Variants in CERS3 observed in about 807,000 individuals in gnomAD.
The protein encoded by CERS3 is LAG1 homolog, ceramide synthase 3.
Under a neutral mutation model 50.3 loss-of-function variants are expected in CERS3, and 33 were observed. The observed-to-expected ratio is 0.66, with a 90% CI of 0.50 to 0.88. The LOEUF is 0.88. Among genes scored for constraint, CERS3 ranks in the 40% least tolerant of loss-of-function variants. The pLI is 0.00. For missense variants in CERS3, 470 were observed against 460.3 expected (o/e 1.02, Z -0.19); for synonymous variants, 176 against 155.2 (o/e 1.13, Z -0.99).
intron 11 of CERS3, among the ~76,000 whole-genome samples, chr15:100,441,783 A>G (rs1023504328): frequency 9.4e-5 from 13 of 138,544 alleles, no homozygotes; most frequent in African/African-American, 2.6e-4. Flanking sequence ...ACGTCCAGGC[A>G]TTCTTTTACA....
At chr15:100,425,677 T>C (rs2032768037) in intron 11 of CERS3, among the ~76,000 whole-genome samples, 1 of 152,210 alleles carries the variant, frequency 6.6e-6, no homozygotes, top group African/African-American at 2.4e-5. Flanking sequence ...ACTTTGGACT[T>C]TTGAGTTAAT....
chr15:100,440,197 G>A (rs2033616924), intron 11 of CERS3, among the ~76,000 whole-genome samples: 1 of 152,120 alleles, frequency 6.6e-6, no homozygotes, highest in African/African-American at 2.4e-5. Flanking sequence ...AACTGATCCA[G>A]TTCTTATTTA....
chr15:100,500,622 A>G (rs1184307229), intron 3 of CERS3: 2 of 152,256 alleles, frequency 1.3e-5, no homozygotes, highest in Non-Finnish European at 2.9e-5. Context: ...CATTCTTGAC[A>G]TATCCAAATA....
chr15:100,450,928 T>C (rs1803808384), intron 11 of CERS3, among the ~76,000 whole-genome samples: 1 of 152,314 alleles, frequency 6.6e-6, no homozygotes, highest in Non-Finnish European at 1.5e-5. Context: ...GGGAACCTGT[T>C]AGCCAAGAAT....
At chr15:100,476,200 A>G (rs763624933) in intron 7 of CERS3, 22 bp from the exon 8 acceptor site, 1 of 1,474,924 alleles carries the variant, frequency 6.8e-7, no homozygotes, top group East Asian at 2.5e-5. Flanking sequence ...AAGAGTATTC[A>G]TTACTTTAAA....
intron 5 of CERS3, among the ~76,000 whole-genome samples, chr15:100,480,863 G>A (rs2035277925): frequency 6.6e-6 from 1 of 152,176 alleles, no homozygotes; most frequent in Non-Finnish European, 1.5e-5. Context: ...GGCGAGAGGT[G>A]TAGTGGGGAT....
At chr15:100,472,586 C>T (rs1319308995) in intron 9 of CERS3, among the ~76,000 whole-genome samples, 1 of 152,128 alleles carries the variant, frequency 6.6e-6, no homozygotes, top group Non-Finnish European at 1.5e-5. Context: ...TTTGGGAATC[C>T]TCAATGTCAT....
chr15:100,523,025 TG>T (rs2036682482), intron 1 of CERS3, among the ~76,000 whole-genome samples: 1 of 152,232 alleles, frequency 6.6e-6, no homozygotes, highest in Admixed American at 6.5e-5. Context: ...ACCTTTCTGG[TG>T]GGTGTGTAGT....
At chr15:100,448,693 A>T (rs888282845) in intron 11 of CERS3, among the ~76,000 whole-genome samples, 15 of 152,334 alleles carry the variant, frequency 9.8e-5, no homozygotes, top group African/African-American at 3.6e-4. Flanking sequence ...CCCCACTGAC[A>T]TTCCCCATGT....
intron 1 of CERS3, chr15:100,544,264 G>C (rs1193713945): frequency 1.3e-5 from 2 of 152,216 alleles, no homozygotes; most frequent in Non-Finnish European, 2.9e-5. Context: ...AACGGACTTT[G>C]CAAGGCCCAG....
At chr15:100,543,741 G>A (rs75532494) in intron 1 of CERS3, among the ~76,000 whole-genome samples, 1 of 152,204 alleles carries the variant, frequency 6.6e-6, no homozygotes, top group East Asian at 1.9e-4. Context: ...TGTTGGCCAG[G>A]CTAGTTTCAA....
chr15:100,466,787 T>C (rs373741020), intron 10 of CERS3, among the ~76,000 whole-genome samples: 20,175 of 33,894 alleles, frequency 0.6, 6,953 homozygotes, highest in Non-Finnish European at 0.72. Flanking sequence ...CTTCCTTCCT[T>C]CCTTCCTCCC....
intron 3 of CERS3, among the ~76,000 whole-genome samples, chr15:100,493,707 C>G (rs922800434): frequency 3.9e-5 from 6 of 152,104 alleles, no homozygotes; most frequent in Non-Finnish European, 7.4e-5. Flanking sequence ...TCTTCATTCT[C>G]TTTTATTTTG....
intron 11 of CERS3, among the ~76,000 whole-genome samples, chr15:100,430,952 TTCCCAAAC>T (rs2033100645): frequency 6.6e-6 from 1 of 152,218 alleles, no homozygotes; most frequent in African/African-American, 2.4e-5. Flanking sequence ...AGACCAGTGC[TTCCCAAAC>T]TGTAACATGC....
chr15:100,522,022 T>C (rs1341644872), intron 1 of CERS3, among the ~76,000 whole-genome samples: 1 of 150,018 alleles, frequency 6.7e-6, no homozygotes, highest in Non-Finnish European at 1.5e-5. Flanking sequence ...CAAGAATCAC[T>C]GGAGCCCTTA....
chr15:100,419,957 T>TA (rs201418633), intron 11 of CERS3, among the ~76,000 whole-genome samples: 37,075 of 147,088 alleles, frequency 0.25, 4,797 homozygotes, highest in East Asian at 0.41. Flanking sequence ...TTTATAGCAC[T>TA]AAATGCCCAC....
chr15:100,475,212 T>A (rs2035089152), intron 8 of CERS3, among the ~76,000 whole-genome samples: 1 of 152,228 alleles, frequency 6.6e-6, no homozygotes. Context: ...ATTATTTCTA[T>A]CAGATACTTT....
intron 11 of CERS3, among the ~76,000 whole-genome samples, chr15:100,411,147 T>G (rs1207235435): frequency 6.6e-6 from 1 of 152,196 alleles, no homozygotes; most frequent in Non-Finnish European, 1.5e-5. Flanking sequence ...GTGTCCAAAT[T>G]TCCTTCGTTT....
intron 10 of CERS3, among the ~76,000 whole-genome samples, chr15:100,456,706 G>A (rs553443864): frequency 6.6e-6 from 1 of 152,266 alleles, no homozygotes. Flanking sequence ...CAGCACTTTG[G>A]GAGGCCAAGG....
Sources: allele counts gnomAD v4.1 joint callset (sites outside exome capture counted in the v4.1 genomes callset), GRCh38; gene constraint gnomAD v4.1.1; transcripts MANE v1.5; gene names NCBI Gene and HGNC (gene_info 2026-07-23, HGNC 2026-07-21).